VEPH1: variants seen among roughly 807,000 people sequenced by gnomAD.
VEPH1 encodes the protein ventricular zone-expressed PH domain-containing protein homolog 1.
A neutral mutation model predicts 85.2 loss-of-function variants in VEPH1; 80 were observed. The observed-to-expected ratio is 0.94, with a 90% CI of 0.78 to 1.13. The LOEUF is 1.13. VEPH1 is among the 50% of genes most tolerant of loss of function. The pLI is 0.00. For synonymous variants in VEPH1, 297 were observed against 348.0 expected (o/e 0.85, Z 1.63); for missense variants, 955 against 980.5 (o/e 0.97, Z 0.35).
intron 9 of VEPH1, among the ~76,000 whole-genome samples, chr3:157,318,321 A>T (rs1158374114): frequency 2.6e-5 from 4 of 152,200 alleles, no homozygotes; most frequent in Non-Finnish European, 5.9e-5. Context: ...TTGAAAATTA[A>T]TAGAGGCCAG....
intron 6 of VEPH1, among the ~76,000 whole-genome samples, chr3:157,399,886 C>T (rs991214209): frequency 3.3e-5 from 5 of 152,044 alleles, no homozygotes; most frequent in African/African-American, 1.2e-4. Flanking sequence ...AATTCTCCAA[C>T]TTTGAGCCGA....
intron 2 of VEPH1, among the ~76,000 whole-genome samples, chr3:157,490,934 C>T (rs1388881019): frequency 6.6e-6 from 1 of 152,090 alleles, no homozygotes; most frequent in African/African-American, 2.4e-5. Flanking sequence ...AATACTCTGC[C>T]TCAGCAAAAA....
At chr3:157,413,561 T>C (rs892892664) in intron 6 of VEPH1, 7 of 985,264 alleles carry the variant, frequency 7.1e-6, no homozygotes, top group Non-Finnish European at 7.2e-6. Context: ...CTCTCCATTT[T>C]AACCCTCCTT....
In VEPH1 at chr3:157,364,317, G is replaced by A; in HGVS notation, c.1323C>T (p.Asn441=). 6.2e-7 allele frequency: 1 copy of A among 1,611,136 alleles called. No individual in the cohort carries two copies. Among genetic ancestry groups the A allele is most frequent in the East Asian group, 2.2e-5 (1 of 44,808 alleles). Residue 441 remains asparagine (N), a synonymous_variant, in exon 8 of 14, where the codon AAC becomes AAT. Coordinates refer to ENST00000362010, the MANE Select transcript of VEPH1 (RefSeq NM_001167912.2). ...LGQVSKEERK[N]IRFNRSKSLA... The stretch of plus-strand genomic sequence containing the variant: ...ACGAGTTATACCTGTTAAATCTAAT[G>A]TTTTTTCTTTCTTCTTTAGAAACTT...
chr3:157,287,192 G>A (rs576087702), intron 11 of VEPH1, among the ~76,000 whole-genome samples: 197 of 152,156 alleles, frequency 1.3e-3, no homozygotes, highest in Non-Finnish European at 2.2e-3. Context: ...GGGCAACATG[G>A]CAAAACCTCG....
rs561230735 is a variant in VEPH1 at position 157,486,236 on chromosome 3, G to C, written c.138+8976C>G. On this transcript the variant is annotated intron_variant, in intron 2 of 13. Coordinates refer to ENST00000362010, the MANE Select transcript of VEPH1 (RefSeq NM_001167912.2). ...GCATAGGCCAGACACGGTGGCTTAT[G>C]CCTGTAATCCTAGCACTTTGAGAGA... Among the ~76,000 whole-genome samples, 112 of 152,014 alleles carry C rather than the reference G, an allele frequency of 7.4e-4. 1 individual carries two copies. In the South Asian group the frequency reaches 0.021, roughly 29 times the overall value.
intron 9 of VEPH1, chr3:157,363,156 C>T (rs1055944830): frequency 8.9e-6 from 4 of 447,014 alleles, no homozygotes; most frequent in African/African-American, 2.0e-5. Flanking sequence ...CTTATGTGCA[C>T]CCAAGTAGAT....
intron 4 of VEPH1, chr3:157,438,022 C>G (rs1175126912): frequency 4.4e-6 from 3 of 679,842 alleles, no homozygotes; most frequent in South Asian, 2.1e-5. Flanking sequence ...TCATGGGAAG[C>G]GCGCGCGCGC....
chr3:157,291,784 G>A (rs1185031772), intron 11 of VEPH1, among the ~76,000 whole-genome samples: 1 of 152,166 alleles, frequency 6.6e-6, no homozygotes, highest in Non-Finnish European at 1.5e-5. Flanking sequence ...CATAGTAAAT[G>A]TTCAATGAAT....
chr3:157,409,990 G>T, intron 6 of VEPH1: 1 of 945,926 alleles, frequency 1.1e-6, no homozygotes, highest in Non-Finnish European at 1.3e-6. Context: ...AGTATGCTCT[G>T]ATCAGTCAGA....
intron 4 of VEPH1, among the ~76,000 whole-genome samples, chr3:157,455,311 A>G (rs1481803353): frequency 2.0e-5 from 3 of 152,066 alleles, no homozygotes; most frequent in African/African-American, 7.2e-5. Context: ...ATGGTACCTC[A>G]TTGTGATTTT....
At chr3:157,464,786 C>T (rs1416307623) in intron 3 of VEPH1, among the ~76,000 whole-genome samples, 1 of 152,132 alleles carries the variant, frequency 6.6e-6, no homozygotes, top group Admixed American at 6.5e-5. Flanking sequence ...GTAATAGCAA[C>T]TAAAAAGCTC....
At chr3:157,331,781 A>T (rs1007881456) in intron 9 of VEPH1, among the ~76,000 whole-genome samples, 2 of 152,210 alleles carry the variant, frequency 1.3e-5, no homozygotes, top group Admixed American at 6.5e-5. Flanking sequence ...TCTGTTCTTT[A>T]AGGTCTGAAA....
At chr3:157,413,685 T>A in intron 6 of VEPH1, 196 bp downstream of exon 6, 3 of 976,934 alleles carry the variant, frequency 3.1e-6, no homozygotes, top group Non-Finnish European at 3.6e-6. Flanking sequence ...AAATTGGGAC[T>A]CCCAGAAATC....
intron 7 of VEPH1, among the ~76,000 whole-genome samples, chr3:157,372,005 G>A (rs1010198299): frequency 1.3e-5 from 2 of 152,056 alleles, no homozygotes; most frequent in Non-Finnish European, 2.9e-5. Flanking sequence ...TGTAAAAAAC[G>A]TAGAGTAGGA....
intron 9 of VEPH1, among the ~76,000 whole-genome samples, chr3:157,358,583 A>G (rs1350079821): frequency 6.6e-6 from 1 of 152,212 alleles, no homozygotes; most frequent in Admixed American, 6.5e-5. Flanking sequence ...AGATGGGACC[A>G]ACTGGACCAG....
In VEPH1 at chr3:157,261,162, T is replaced by C; in HGVS notation, c.2474A>G (p.Glu825Gly). The C allele has an allele frequency of 6.2e-7, 1 of 1,613,806 alleles. No homozygotes were observed. The highest frequency in any genetic ancestry group is 8.5e-7 in the Non-Finnish European group (1 of 1,179,752). ...NVAVAQAKERESREVTTYL is the reference protein window; with the variant it reads ...NVAVAQAKERGSREVTTYL The stretch of plus-strand genomic sequence containing the variant: ...CAGATATGTGGTTACTTCTCTACTT[T>C]CCCTTTCTTTGGCTTGGGCAACTGC... Residue 825 changes from glutamate to glycine, a missense_variant, in exon 14 of 14, where the codon GAA (glutamate) becomes GGA (glycine). Transcript: ENST00000362010.
rs1473196468 is a variant in VEPH1, at chr3:157,460,245, A to G, written c.465T>C (p.Ala155=). 4 of 1,614,064 alleles carry G rather than the reference A, an allele frequency of 2.5e-6. No homozygotes were observed. Among genetic ancestry groups the G allele is most frequent in the Non-Finnish European group, 3.4e-6 (4 of 1,180,044 alleles). ...CRNMSNYLSL[A]AITKADLLAD... ...CCAGGAGATCTGCCTTGGTAATTGC[A>G]GCCAGAGACAGGTAGTTAGACATAT... The change falls in exon 4 of 14, where the codon GCT becomes GCC. Residue 155 remains alanine (A), a synonymous_variant. Transcript: ENST00000362010.
intron 2 of VEPH1, among the ~76,000 whole-genome samples, chr3:157,481,455 CACACACACACA>C (rs1474802232): frequency 1.5e-5 from 1 of 68,776 alleles, no homozygotes; most frequent in Non-Finnish European, 2.6e-5. Context: ...CACACACACA[CACACACACACA>C]AAAAAAAAAA....
Sources: gnomAD v4.1 joint callset for allele counts (sites outside exome capture counted in the v4.1 genomes callset) on GRCh38, gnomAD v4.1.1 for gene constraint, MANE v1.5 for transcripts, NCBI Gene and HGNC (gene_info 2026-07-23, HGNC 2026-07-21) for gene names.